Variants in MRTFB observed in about 807,000 individuals in gnomAD.
MRTFB encodes the protein myocardin-related transcription factor B.
MRTFB carries 29 observed loss-of-function variants against 104.2 expected under a neutral mutation model. That is an observed-to-expected ratio of 0.28 (90% CI 0.21 to 0.38). MRTFB has a LOEUF of 0.38. Ranked by LOEUF, MRTFB falls within the 10% of genes least tolerant of loss-of-function variation. The pLI, the probability that MRTFB is intolerant of heterozygous loss-of-function variation, is 1.00. For missense variants in MRTFB, 1,270 were observed against 1,341.6 expected (o/e 0.95, Z 0.83); for synonymous variants, 535 against 519.5 (o/e 1.03, Z -0.41).
intron 2 of MRTFB, among the ~76,000 whole-genome samples, chr16:14,131,580 A>T (rs188465936): frequency 6.6e-5 from 10 of 152,344 alleles, no homozygotes; most frequent in Admixed American, 5.2e-4. Flanking sequence ...TTAGACTTAC[A>T]TATAATGAAA....
chr16:14,136,249 G>C (rs2037712621), intron 2 of MRTFB, among the ~76,000 whole-genome samples: 1 of 151,964 alleles, frequency 6.6e-6, no homozygotes, highest in Admixed American at 6.5e-5. Flanking sequence ...ACTCCAGCCT[G>C]GGTGACAGAG....
At chr16:14,127,569 G>A (rs928146785) in intron 2 of MRTFB, among the ~76,000 whole-genome samples, 20 of 151,162 alleles carry the variant, frequency 1.3e-4, no homozygotes, top group Non-Finnish European at 2.4e-4. Context: ...GCGTGAACCC[G>A]GGAGCAGAGG....
chr16:14,036,707 T>C, the MRTFB span, among the ~76,000 whole-genome samples: 2 of 151,944 alleles, frequency 1.3e-5, no homozygotes, highest in Admixed American at 1.3e-4. Context: ...ATGTCTATCA[T>C]AGTCCAGGAT....
intron 8 of MRTFB, among the ~76,000 whole-genome samples, chr16:14,231,294 T>TAAAAAATA (rs373394451): frequency 0.095 from 14,363 of 151,594 alleles, 1,361 homozygotes; most frequent in African/African-American, 0.25. Flanking sequence ...AATAATAAAA[T>TAAAAAATA]AAAAAATAAA....
intron 10 of MRTFB, chr16:14,241,068 G>A (rs948226869): frequency 2.1e-5 from 9 of 432,504 alleles, no homozygotes; most frequent in African/African-American, 1.6e-4. Context: ...ATCGAGTACA[G>A]CCAATGTCTA....
At chr16:14,216,182 A>G (rs2041415788) in intron 6 of MRTFB, among the ~76,000 whole-genome samples, 1 of 152,224 alleles carries the variant, frequency 6.6e-6, no homozygotes, top group African/African-American at 2.4e-5. Context: ...CCTCCTAGCC[A>G]TGTGCTTTCA....
At chr16:14,243,877 T>TTTTTTTTTTTTTTTTTTTTTTTTTG (rs2042894087) in intron 10 of MRTFB, among the ~76,000 whole-genome samples, 2 of 147,638 alleles carry the variant, frequency 1.4e-5, no homozygotes, top group African/African-American at 5.2e-5. Context: ...TTTTTTTTTT[T>TTTTTTTTTTTTTTTTTTTTTTTTTG]GAGACAGAGT....
intron 8 of MRTFB, among the ~76,000 whole-genome samples, chr16:14,222,976 T>TTCAAG (rs890200379): frequency 6.6e-6 from 1 of 150,554 alleles, no homozygotes; most frequent in Non-Finnish European, 1.5e-5. Context: ...AATCCAACAG[T>TTCAAG]TCAAGTCCAG....
intron 2 of MRTFB, among the ~76,000 whole-genome samples, chr16:14,120,741 G>A (rs898618143): frequency 1.3e-5 from 2 of 152,156 alleles, no homozygotes; most frequent in Non-Finnish European, 2.9e-5. Flanking sequence ...TGAGTGGATG[G>A]TTATGATTGG....
chr16:14,033,797 C>T, the MRTFB span, among the ~76,000 whole-genome samples: 1 of 140,768 alleles, frequency 7.1e-6, no homozygotes, highest in African/African-American at 2.6e-5. Context: ...GATCGCGCCA[C>T]TGCACTCCAG....
rs1299562622 is a variant in MRTFB at position 14,263,321 on chromosome 16, C to T, written c.*1877C>T. The T allele has an allele frequency of 2.0e-5, 3 of 152,216 alleles. No homozygotes were observed. The highest frequency in any genetic ancestry group is 4.4e-5 in the Non-Finnish European group (3 of 68,050). 9.4% of individuals were successfully genotyped at this position (152,216 alleles called of 1,614,324 possible). ...TTACCACACTAGATGTTCTGTGAAT[C>T]CTCGAGTCAGTTCCATTGAGAGGGG... On this transcript the variant is annotated 3_prime_UTR_variant, in exon 17 of 17. Transcript: ENST00000571589.
chr16:14,010,936 G>A, the MRTFB span, among the ~76,000 whole-genome samples: 1 of 152,210 alleles, frequency 6.6e-6, no homozygotes, highest in African/African-American at 2.4e-5. Context: ...AGATCTATTG[G>A]ACAGTGTATT....
In MRTFB at chr16:14,238,903, G is replaced by A. The variant is rs187723894; in HGVS notation, c.832-1334G>A. Among the ~76,000 whole-genome samples, 60 of 152,250 alleles carry A rather than the reference G, an allele frequency of 3.9e-4. 1 individual carries two copies. Among genetic ancestry groups the A allele is most frequent in the African/African-American group, 1.2e-4 (5 of 41,556 alleles). ...ATTATATTATGTCCAGTAGTATGCCGGTAAATGTTTAATAACTGGCTGGGC... is the reference window on the plus strand; with the variant it reads ...ATTATATTATGTCCAGTAGTATGCCAGTAAATGTTTAATAACTGGCTGGGC... On this transcript the variant is annotated intron_variant, in intron 9 of 16. Transcript: ENST00000571589.
At chr16:14,003,643 TCCCTCCCTCCC>T in the MRTFB span, among the ~76,000 whole-genome samples, 1 of 29,314 alleles carries the variant, frequency 3.4e-5, no homozygotes, top group Non-Finnish European at 9.4e-5. Context: ...CCTGCCTGCC[TCCCTCCCTCCC>T]TCCCTCCCTC....
intron 9 of MRTFB, among the ~76,000 whole-genome samples, chr16:14,236,660 A>T (rs987376234): frequency 5.3e-5 from 8 of 152,160 alleles, no homozygotes; most frequent in African/African-American, 1.9e-4. Context: ...CTATGGGAAG[A>T]AAATTTGACC....
At chr16:14,044,975 C>G in the MRTFB span, among the ~76,000 whole-genome samples, 22 of 152,278 alleles carry the variant, frequency 1.4e-4, no homozygotes, top group East Asian at 3.1e-3. Context: ...TCCCACTGAC[C>G]AGCCCTACCT....
intron 7 of MRTFB, 68 bp from the exon 8 acceptor site, chr16:14,218,752 C>T (rs2041545609): frequency 1.4e-6 from 2 of 1,440,352 alleles, no homozygotes; most frequent in Non-Finnish European, 1.9e-6. Context: ...CAATGTTTTC[C>T]TCCTTCACAT....
the MRTFB span, among the ~76,000 whole-genome samples, chr16:14,062,980 G>A: frequency 2.0e-5 from 3 of 152,318 alleles, no homozygotes; most frequent in East Asian, 3.9e-4. Flanking sequence ...TGACAGGGCC[G>A]ACATCATACG....
chr16:14,231,370 C>T (rs1236238238), intron 8 of MRTFB, among the ~76,000 whole-genome samples: 2 of 152,018 alleles, frequency 1.3e-5, no homozygotes, highest in Non-Finnish European at 2.9e-5. Context: ...GTTTAAGTAT[C>T]TCTTATGGCC....
Sources: allele counts gnomAD v4.1 joint callset (sites outside exome capture counted in the v4.1 genomes callset), GRCh38; gene constraint gnomAD v4.1.1; transcripts MANE v1.5; gene names NCBI Gene and HGNC (gene_info 2026-07-23, HGNC 2026-07-21).